CDH18: variants seen among roughly 807,000 people sequenced by gnomAD.
CDH18 encodes the protein cadherin 18.
A neutral mutation model predicts 67.9 loss-of-function variants in CDH18; 31 were observed. That is an observed-to-expected ratio of 0.46 (90% CI 0.34 to 0.62). The LOEUF (loss-of-function observed/expected upper bound fraction) is 0.62, where lower values mean the gene tolerates loss of function less well. Among genes scored for constraint, CDH18 ranks in the 20% least tolerant of loss-of-function variants. The pLI is 0.01. For missense variants in CDH18, 890 were observed against 975.5 expected (o/e 0.91, Z 1.17); for synonymous variants, 362 against 347.2 (o/e 1.04, Z -0.48).
At chr5:20,290,119 C>T (rs1161672594) in intron 1 of CDH18, among the ~76,000 whole-genome samples, 3 of 152,040 alleles carry the variant, frequency 2.0e-5, no homozygotes, top group Non-Finnish European at 4.4e-5. Context: ...AGCAGTGGTT[C>T]CCAAAGGTTA....
intron 2 of CDH18, among the ~76,000 whole-genome samples, chr5:19,916,193 C>A (rs528473229): frequency 2.0e-5 from 3 of 152,142 alleles, no homozygotes; most frequent in Admixed American, 6.6e-5. Flanking sequence ...AAGAGCCACA[C>A]GTCCTTTATG....
At chr5:19,540,039 C>A (rs1301969183) in intron 9 of CDH18, among the ~76,000 whole-genome samples, 2 of 152,150 alleles carry the variant, frequency 1.3e-5, no homozygotes, top group East Asian at 3.9e-4. Context: ...CAAAGCAAGT[C>A]CCTTCTGCTT....
chr5:20,421,048 G>A (rs1747820967), intron 1 of CDH18, among the ~76,000 whole-genome samples: 1 of 151,114 alleles, frequency 6.6e-6, no homozygotes, highest in Non-Finnish European at 1.5e-5. Flanking sequence ...GTAACAGTAT[G>A]ATCTTTAAAT....
intron 4 of CDH18, among the ~76,000 whole-genome samples, chr5:19,735,299 C>T (rs989426795): frequency 2.6e-5 from 4 of 151,238 alleles, no homozygotes; most frequent in East Asian, 1.9e-4. Context: ...ATAAAGCAGT[C>T]GCAACATAAG....
intron 1 of CDH18, among the ~76,000 whole-genome samples, chr5:20,546,753 A>ACACACT (rs1279206596): frequency 6.8e-6 from 1 of 147,852 alleles, no homozygotes; most frequent in East Asian, 1.9e-4. Flanking sequence ...ATACATAGAC[A>ACACACT]CACACACACA....
intron 2 of CDH18, among the ~76,000 whole-genome samples, chr5:20,022,701 A>G (rs899255035): frequency 2.6e-5 from 4 of 152,210 alleles, no homozygotes; most frequent in African/African-American, 9.6e-5. Context: ...TAAGAAAAAA[A>G]CAAAGAATTC....
At chr5:19,761,506 G>A (rs1404128620) in intron 3 of CDH18, among the ~76,000 whole-genome samples, 1 of 152,072 alleles carries the variant, frequency 6.6e-6, no homozygotes, top group African/African-American at 2.4e-5. Flanking sequence ...ACTATTAGAA[G>A]TAGAGTCCTT....
At chr5:20,068,969 C>T (rs916728525) in intron 2 of CDH18, among the ~76,000 whole-genome samples, 7 of 152,092 alleles carry the variant, frequency 4.6e-5, no homozygotes, top group African/African-American at 1.2e-4. Flanking sequence ...CAGGACGTCA[C>T]GCTGAAATTT....
At chr5:20,231,209 G>T (rs1485509795) in intron 2 of CDH18, among the ~76,000 whole-genome samples, 1 of 152,148 alleles carries the variant, frequency 6.6e-6, no homozygotes, top group Non-Finnish European at 1.5e-5. Flanking sequence ...ATATATCAAA[G>T]TAAAACTTTA....
intron 2 of CDH18, among the ~76,000 whole-genome samples, chr5:20,095,335 GAAAGAAAGAAAGAAAGAAAGAAA>G (rs1561785898): frequency 9.5e-6 from 1 of 105,204 alleles, no homozygotes; most frequent in Non-Finnish European, 2.1e-5. Context: ...AAGAAAGAAA[GAAAGAAAGAAAGAAAGAAAGAAA>G]GAAAAGACAG....
intron 3 of CDH18, among the ~76,000 whole-genome samples, chr5:19,756,519 TGATAATAC>T (rs1771623532): frequency 6.6e-6 from 1 of 152,212 alleles, no homozygotes; most frequent in African/African-American, 2.4e-5. Flanking sequence ...TCACAGGGAA[TGATAATAC>T]TAAGAGACGC....
chr5:20,376,031 C>G (rs985569770), intron 1 of CDH18, among the ~76,000 whole-genome samples: 52 of 150,160 alleles, frequency 3.5e-4, no homozygotes, highest in Non-Finnish European at 1.3e-4. Flanking sequence ...CTGAATAAAG[C>G]TGGCACTGAC....
chr5:20,157,434 TA>T (rs1446001158), intron 2 of CDH18, among the ~76,000 whole-genome samples: 1 of 152,158 alleles, frequency 6.6e-6, no homozygotes, highest in East Asian at 1.9e-4. Context: ...GAAGCTATTT[TA>T]TTTTTTTATT....
chr5:19,629,040 C>T (rs1164465929), intron 5 of CDH18, among the ~76,000 whole-genome samples: 1 of 152,062 alleles, frequency 6.6e-6, no homozygotes, highest in African/African-American at 2.4e-5. Context: ...ATGGCCTGAG[C>T]AGTGTGAGGA....
Position 20,402,874 on chromosome 5 carries a change from C to T in CDH18, c.-579-147369G>A, listed in dbSNP as rs113047475. On this transcript the variant is annotated intron_variant, in intron 1 of 14. Transcript: ENST00000507958. ...AGTGAGCTGAGATTGCACCACTGCA[C>T]CCCAGGCTGGGTAACAGAGCAAGCC... Among the ~76,000 whole-genome samples the T allele has an allele frequency of 8.8e-3, 1,341 of 151,674 alleles. 25 individuals are homozygous for T. The highest frequency in any genetic ancestry group is 0.031 in the African/African-American group (1,266 of 41,338).
At chr5:20,403,037 G>A (rs1307305223) in intron 1 of CDH18, among the ~76,000 whole-genome samples, 1 of 140,318 alleles carries the variant, frequency 7.1e-6, no homozygotes, top group East Asian at 2.0e-4. Flanking sequence ...AAAAAAAATA[G>A]CGAGGTGTGG....
upstream of CDH18, chr5:19,991,839 TAACAATAA>T (rs67350060): frequency 0.98 from 147,704 of 151,362 alleles, 72,186 homozygotes; most frequent in Middle Eastern, 1. Flanking sequence ...CCATCTCTAC[TAACAATAA>T]AAAAATAAAA....
intron 1 of CDH18, among the ~76,000 whole-genome samples, chr5:20,551,105 T>C (rs1757609661): frequency 6.6e-6 from 1 of 152,140 alleles, no homozygotes; most frequent in Non-Finnish European, 1.5e-5. Flanking sequence ...GCTAAAATAA[T>C]AAATAGATGA....
chr5:20,431,984 C>T (rs930585515), intron 1 of CDH18, among the ~76,000 whole-genome samples: 5 of 152,086 alleles, frequency 3.3e-5, no homozygotes, highest in African/African-American at 1.2e-4. Flanking sequence ...TCAGTATTTG[C>T]CTCACTTTTT....
Sources: gnomAD v4.1 joint callset for allele counts (sites outside exome capture counted in the v4.1 genomes callset) on GRCh38, gnomAD v4.1.1 for gene constraint, MANE v1.5 for transcripts, NCBI Gene and HGNC (gene_info 2026-07-23, HGNC 2026-07-21) for gene names.